The following ONECUT2 variants were observed in gnomAD, a reference collection of about 807,000 sequenced individuals.
The protein encoded by ONECUT2 is one cut homeobox 2, also known as one cut domain family member 2.
In ONECUT2, 10 loss-of-function variants were observed where a neutral mutation model predicts 27.9. The observed-to-expected ratio is 0.36, with a 90% CI of 0.22 to 0.61. ONECUT2 has a LOEUF of 0.61. Among genes scored for constraint, ONECUT2 ranks in the 20% least tolerant of loss-of-function variants. The probability of loss-of-function intolerance (pLI) is 0.73; values close to 1 mark genes in which losing one functional copy is unlikely to be tolerated. For missense variants in ONECUT2, 686 were observed against 721.0 expected (o/e 0.95, Z 0.56); for synonymous variants, 334 against 315.1 (o/e 1.06, Z -0.64).
At chr18:57,452,593 T>G (rs761986750) in intron 1 of ONECUT2, among the ~76,000 whole-genome samples, 1 of 152,076 alleles carries the variant, frequency 6.6e-6, no homozygotes, top group African/African-American at 2.4e-5. Flanking sequence ...CCCAGCTAAT[T>G]TTCATATTTT....
intron 1 of ONECUT2, among the ~76,000 whole-genome samples, chr18:57,437,878 C>G (rs2050151886): frequency 6.6e-6 from 1 of 152,064 alleles, no homozygotes; most frequent in Non-Finnish European, 1.5e-5. Flanking sequence ...GCATCCCTGC[C>G]GCCGGCTGCA....
At chr18:57,438,084 T>C (rs1292154523) in intron 1 of ONECUT2, among the ~76,000 whole-genome samples, 1 of 152,186 alleles carries the variant, frequency 6.6e-6, no homozygotes, top group Non-Finnish European at 1.5e-5. Flanking sequence ...AAACCTCCTG[T>C]GTGGGCGGCG....
chr18:57,436,939 T>C lies in ONECUT2; in HGVS notation c.1223T>C (p.Leu408Pro). ...TTCCAGCGCATGTCCGCCTTACGCC[T>C]GGCAGGTAAGGCCGGGGCTAGCCAG... The part of the protein sequence containing the change: ...PEFQRMSALR[L>P]AACKRKEQEP... The change falls in exon 1 of 2, where the codon CTG (leucine) becomes CCG (proline). Residue 408 changes from leucine (L) to proline (P), a missense_variant. Leu to Pro is a moderately conservative substitution (Grantham distance 98). Transcript: ENST00000491143. The surrounding 1 kb of genome is among the most constrained non-coding windows in gnomAD (Gnocchi z 5.9). 6.3e-7 allele frequency: 1 copy of C among 1,596,956 alleles called. No homozygotes were observed. Among genetic ancestry groups the C allele is most frequent in the Non-Finnish European group, 8.5e-7 (1 of 1,172,128 alleles).
intron 1 of ONECUT2, among the ~76,000 whole-genome samples, chr18:57,475,526 A>G (rs2050377423): frequency 6.6e-6 from 1 of 152,146 alleles, no homozygotes; most frequent in African/African-American, 2.4e-5. Context: ...CATTCATTGT[A>G]TCCATGGCTC....
In ONECUT2 at chr18:57,486,163, C is replaced by T. The variant is rs2050437034; in HGVS notation, c.*9440C>T. 6.5e-6 allele frequency: 1 copy of T among 152,810 alleles called. No individual in the cohort carries two copies. The highest frequency in any genetic ancestry group is 1.9e-4 in the East Asian group (1 of 5,200). The allele number at this position is 152,810 out of a possible 1,614,324, so 9.5% of individuals were successfully genotyped here. A position where few individuals can be genotyped will look rare whatever the true frequency, so the allele number is the denominator to read the frequency against. Reference sequence around the variant, plus strand: ...CTCTCCTCAGCAATCCCCCCAGCCTCATGCTTCACTTGCAAAGTGTGACAT... The same window carrying T: ...CTCTCCTCAGCAATCCCCCCAGCCTTATGCTTCACTTGCAAAGTGTGACAT... On this transcript the variant is annotated 3_prime_UTR_variant, in exon 2 of 2. Transcript: ENST00000491143.
chr18:57,442,470 T>A (rs1007792929), intron 1 of ONECUT2, among the ~76,000 whole-genome samples: 1 of 152,164 alleles, frequency 6.6e-6, no homozygotes, highest in African/African-American at 2.4e-5. Context: ...TTCCCACTAG[T>A]GTTCTTCCTT....
In ONECUT2 at chr18:57,436,409, G is replaced by A. The variant is rs558709265; in HGVS notation, c.693G>A (p.Pro231=). ...GCCTGTCCCCGCTGGCCGCCACGCC[G>A]CTGGGCAACGGGCTAGGCGGCCTCC... ...SQSLSPLAAT[P]LGNGLGGLHN... The change falls in exon 1 of 2, where the codon CCG becomes CCA. Residue 231 remains proline, a synonymous_variant. Coordinates refer to ENST00000491143, the MANE Select transcript of ONECUT2 (RefSeq NM_004852.3). The surrounding 1 kb of genome is among the most constrained non-coding windows in gnomAD (Gnocchi z 5.9). The A allele has an allele frequency of 1.2e-6, 2 of 1,611,180 alleles. No homozygotes were observed. The highest frequency in any genetic ancestry group is 1.7e-6 in the Non-Finnish European group (2 of 1,179,830).
chr18:57,448,107 T>C (rs1361546923), intron 1 of ONECUT2, among the ~76,000 whole-genome samples: 1 of 152,058 alleles, frequency 6.6e-6, no homozygotes, highest in Non-Finnish European at 1.5e-5. Flanking sequence ...AGGAGAGTCC[T>C]TTTGGTCAAT....
At chr18:57,444,363 A>C (rs186817948) in intron 1 of ONECUT2, 159 of 456,532 alleles carry the variant, frequency 3.5e-4, no homozygotes, top group Non-Finnish European at 6.2e-4. Flanking sequence ...TTGACGGCTC[A>C]TTTTTCTGCC....
At chr18:57,471,388 C>T (rs992923276) in intron 1 of ONECUT2, among the ~76,000 whole-genome samples, 61 of 152,194 alleles carry the variant, frequency 4.0e-4, no homozygotes, top group African/African-American at 1.4e-3. Context: ...TGTGGAGAGA[C>T]ATTCTCTCTC....
Position 57,435,513 on chromosome 18 carries a change from C to CCGCA in ONECUT2, c.-196_-193dup, listed in dbSNP as rs1198237784. ...CTCCCTCCCCGTCCCCTCCCCTCTC[C>CCGCA]CGCACGCACGCCCCGTCCGCCCCCA... On this transcript the variant is annotated 5_prime_UTR_variant, in exon 1 of 2. Transcript: ENST00000491143. Among the ~76,000 whole-genome samples, 3 of 147,150 alleles carry CCGCA rather than the reference C, an allele frequency of 2.0e-5. No individual in the cohort carries two copies. The highest frequency in any genetic ancestry group is 4.5e-5 in the Non-Finnish European group (3 of 66,258).
intron 1 of ONECUT2, among the ~76,000 whole-genome samples, chr18:57,451,265 T>C (rs897530138): frequency 6.6e-6 from 1 of 152,248 alleles, no homozygotes; most frequent in African/African-American, 2.4e-5. Flanking sequence ...TTTTATTTTC[T>C]GTTGCCTTGA....
In ONECUT2 at chr18:57,468,471, A is replaced by G. The variant is rs554475760; in HGVS notation, c.1229-7966A>G. On this transcript the variant is annotated intron_variant, in intron 1 of 1. Coordinates refer to ENST00000491143, the MANE Select transcript of ONECUT2 (RefSeq NM_004852.3). ...GATGCGTCAGAAATCACAATGAAGC[A>G]AGGAAACCTGCAAGGCATCTAACTG... Among the ~76,000 whole-genome samples, 405 of 152,342 alleles carry G rather than the reference A, an allele frequency of 2.7e-3. 1 individual carries two copies. Among genetic ancestry groups the G allele is most frequent in the Non-Finnish European group, 3.4e-3 (233 of 68,028 alleles).
At position 57,476,583 on chromosome 18, in the gene ONECUT2, A is replaced by G. The variant is rs2050383401; in HGVS notation, c.1375A>G (p.Ile459Val). Residue 459 changes from isoleucine (I) to valine (V), a missense_variant, in exon 2 of 2, where the codon ATT becomes GTT. This residue lies in a region of ONECUT2 where 77 missense variants were observed against 105.5 expected (regional missense o/e 0.73). Coordinates refer to ENST00000491143, the MANE Select transcript of ONECUT2 (RefSeq NM_004852.3). The stretch of plus-strand genomic sequence containing the variant: ...CCCGTCAAAGGAGATGCAGATCACC[A>G]TTTCCCAGCAGCTGGGCCTGGAGCT... ...KRPSKEMQIT[I>V]SQQLGLELTT... 5.0e-6 allele frequency: 8 copies of G among 1,614,212 alleles called. No homozygotes were observed. The highest frequency in any genetic ancestry group is 6.8e-6 in the Non-Finnish European group (8 of 1,180,040).
chr18:57,439,694 G>A (rs574370676), intron 1 of ONECUT2, among the ~76,000 whole-genome samples: 57 of 152,300 alleles, frequency 3.7e-4, no homozygotes, highest in Middle Eastern at 3.4e-3. Context: ...GCCGCAGAGG[G>A]CCCTCGCCGT....
chr18:57,443,666 G>C (rs4438393), intron 1 of ONECUT2, among the ~76,000 whole-genome samples: 15,553 of 152,210 alleles, frequency 0.1, 971 homozygotes, highest in South Asian at 0.17. Context: ...AGGTAGGGAC[G>C]TGGATTGTGT....
chr18:57,472,530 T>A (rs2050359532), intron 1 of ONECUT2, among the ~76,000 whole-genome samples: 1 of 152,186 alleles, frequency 6.6e-6, no homozygotes, highest in Non-Finnish European at 1.5e-5. Context: ...TTAGGGCATT[T>A]GGGCTTGCTG....
chr18:57,467,490 C>T (rs1429286021), intron 1 of ONECUT2, among the ~76,000 whole-genome samples: 7 of 152,054 alleles, frequency 4.6e-5, no homozygotes, highest in South Asian at 2.1e-4. Flanking sequence ...CTCGGCCTCC[C>T]GAGTATCTGG....
intron 1 of ONECUT2, among the ~76,000 whole-genome samples, chr18:57,463,374 C>T (rs865904031): frequency 3.3e-5 from 5 of 152,126 alleles, no homozygotes; most frequent in Non-Finnish European, 5.9e-5. Flanking sequence ...AGAAAGTTGT[C>T]CTACGTTGTT....
Sources: gnomAD v4.1 joint callset for allele counts (sites outside exome capture counted in the v4.1 genomes callset) on GRCh38, gnomAD v4.1.1 for gene constraint, gnomAD v4.1.1 regional missense constraint, Gnocchi (gnomAD v3.1) non-coding constraint, MANE v1.5 for transcripts, NCBI Gene and HGNC (gene_info 2026-07-23, HGNC 2026-07-21) for gene names.